EPB41L4A: variants seen among roughly 807,000 people sequenced by gnomAD.
EPB41L4A encodes band 4.1-like protein 4A.
In EPB41L4A, 100 loss-of-function variants were observed where a neutral mutation model predicts 108.6. That is an observed-to-expected ratio of 0.92 (90% CI 0.78 to 1.09). The LOEUF (loss-of-function observed/expected upper bound fraction) is 1.09. EPB41L4A is among the 50% of genes least tolerant of loss of function. The probability of loss-of-function intolerance (pLI) is 0.00; values close to 1 mark genes in which losing one functional copy is unlikely to be tolerated. For synonymous variants in EPB41L4A, 319 were observed against 289.0 expected, an observed-to-expected ratio of 1.10 and a Z score of -1.05; for missense variants, 1,030 against 842.7, an observed-to-expected ratio of 1.22 and a Z score of -2.75.
intron 4 of EPB41L4A, among the ~76,000 whole-genome samples, chr5:112,267,658 T>C (rs1255979062): frequency 6.6e-6 from 1 of 151,972 alleles, no homozygotes; most frequent in African/African-American, 2.4e-5. Context: ...GGTCACTCTC[T>C]CCTAAACTTC....
rs115172286 is a variant in EPB41L4A, at chr5:112,404,990, C to T, written c.99+13951G>A. ...TAAAATCCAAAAACTCATCTGAGGACTATGCAGTCTGTCTTCCAGATGGCT... is the reference window on the plus strand; with the variant it reads ...TAAAATCCAAAAACTCATCTGAGGATTATGCAGTCTGTCTTCCAGATGGCT... On this transcript the variant is annotated intron_variant, in intron 1 of 22. Coordinates refer to ENST00000261486, the MANE Select transcript of EPB41L4A (RefSeq NM_022140.5). Among the ~76,000 whole-genome samples, 448 of 152,298 alleles carry T rather than the reference C, an allele frequency of 2.9e-3. 2 individuals are homozygous for T. Among genetic ancestry groups the T allele is most frequent in the African/African-American group, 0.01 (417 of 41,558 alleles).
intron 4 of EPB41L4A, among the ~76,000 whole-genome samples, chr5:112,269,172 T>C (rs982677205): frequency 6.6e-6 from 1 of 152,016 alleles, no homozygotes; most frequent in African/African-American, 2.4e-5. Flanking sequence ...ATTTGCTGTC[T>C]CTGAGAAATT....
intron 1 of EPB41L4A, among the ~76,000 whole-genome samples, chr5:112,371,765 G>A (rs1186648783): frequency 1.3e-5 from 2 of 152,126 alleles, no homozygotes; most frequent in African/African-American, 4.8e-5. Flanking sequence ...AGGAAAGGAT[G>A]AAGAACACTC....
At position 112,307,450 on chromosome 5, in the gene EPB41L4A, T is replaced by C. The variant is rs771794033; in HGVS notation, c.140A>G (p.His47Arg). 43 of 1,613,232 alleles carry C rather than the reference T, an allele frequency of 2.7e-5. No homozygotes were observed. Among genetic ancestry groups the C allele is most frequent in the Non-Finnish European group, 3.4e-5 (40 of 1,179,420 alleles). ...KGSVVLDHVFHHVNLVEIDYF... is the reference protein window; with the variant it reads ...KGSVVLDHVFRHVNLVEIDYF... The stretch of plus-strand genomic sequence containing the variant: ...ATCTATCTCCACAAGGTTTACGTGA[T>C]GGAATACGTGGTCAAGGACAACGGA... The change falls in exon 2 of 23, where the codon CAT becomes CGT. Residue 47 changes from histidine to arginine, a missense_variant. By Grantham distance (29) the His-to-Arg change is conservative (BLOSUM62 0). Transcript: ENST00000261486.
chr5:112,142,448 T>G (rs930929013), exon 14 of EPB41L4A: 6 of 152,248 alleles, frequency 3.9e-5, no homozygotes, highest in African/African-American at 4.8e-5. Flanking sequence ...GATGAAAATA[T>G]GAACTTCATT....
intron 2 of EPB41L4A, among the ~76,000 whole-genome samples, chr5:112,305,733 T>G (rs1404623755): frequency 6.6e-6 from 1 of 152,170 alleles, no homozygotes; most frequent in Non-Finnish European, 1.5e-5. Context: ...TAGCTGAGTT[T>G]ACCATTAGAA....
chr5:112,191,958 T>TC (rs1242618631), intron 17 of EPB41L4A: 1 of 152,116 alleles, frequency 6.6e-6, no homozygotes, highest in East Asian at 1.9e-4. Flanking sequence ...GGGCAAGAGG[T>TC]AGAACATCAG....
chr5:112,207,743 A>G (rs1196848187), intron 13 of EPB41L4A, among the ~76,000 whole-genome samples: 1 of 152,222 alleles, frequency 6.6e-6, no homozygotes, highest in East Asian at 1.9e-4. Context: ...CCCAGTCAGA[A>G]TACCTATTAT....
intron 2 of EPB41L4A, among the ~76,000 whole-genome samples, chr5:112,292,170 G>T (rs1753685145): frequency 6.6e-6 from 1 of 152,104 alleles, no homozygotes; most frequent in Non-Finnish European, 1.5e-5. Flanking sequence ...ACTCACCATT[G>T]TGCCATACTT....
rs116791699 is a variant in EPB41L4A at position 112,278,567 on chromosome 5, T to C, written c.256+1705A>G. 6.8e-3 allele frequency among the ~76,000 whole-genome samples: 1,036 copies of C among 152,172 alleles called. 13 individuals carry two copies. The highest frequency in any genetic ancestry group is 0.023 in the African/African-American group (935 of 41,542). On this transcript the variant is annotated intron_variant, in intron 3 of 22. Coordinates refer to ENST00000261486, the MANE Select transcript of EPB41L4A (RefSeq NM_022140.5). ...ACGAGTCTTATGCAAATTTTTAATA[T>C]TGCATTTTTAGAATGAAAAAGTGAC... is the stretch of plus-strand genomic sequence containing the variant.
intron 1 of EPB41L4A, among the ~76,000 whole-genome samples, chr5:112,335,292 C>G (rs1328299886): frequency 6.6e-6 from 1 of 152,174 alleles, no homozygotes; most frequent in African/African-American, 2.4e-5. Flanking sequence ...TAAGGACCCT[C>G]CTTCTTGAAC....
chr5:112,241,065 A>G (rs1026773985), intron 9 of EPB41L4A, among the ~76,000 whole-genome samples: 2 of 152,190 alleles, frequency 1.3e-5, no homozygotes, highest in African/African-American at 4.8e-5. Flanking sequence ...ATGACAATAG[A>G]TAGTTTGGAC....
Position 112,259,990 on chromosome 5 carries a change from A to T in EPB41L4A, c.643-11T>A. On this transcript the variant is annotated splice_polypyrimidine_tract_variant and intron_variant, in intron 7 of 22. Transcript: ENST00000261486. Reference sequence around the variant, plus strand: ...AGACTTGTTTTCTCCCTGCAAAAACAAACATATGCCTATAACCACATATTC... The same window carrying T: ...AGACTTGTTTTCTCCCTGCAAAAACTAACATATGCCTATAACCACATATTC... 6.3e-7 allele frequency: 1 copy of T among 1,579,394 alleles called. No individual in the cohort carries two copies. The highest frequency in any genetic ancestry group is 2.2e-5 in the East Asian group (1 of 44,686).
intron 1 of EPB41L4A, among the ~76,000 whole-genome samples, chr5:112,391,879 G>A (rs10478086): frequency 3.0e-4 from 46 of 152,198 alleles, no homozygotes; most frequent in African/African-American, 8.7e-4. Context: ...CAGATCTCTC[G>A]GCAGAAACTC....
intron 1 of EPB41L4A, among the ~76,000 whole-genome samples, chr5:112,391,115 A>T (rs542912157): frequency 1.2e-4 from 18 of 152,354 alleles, no homozygotes; most frequent in Admixed American, 1.2e-3. Context: ...AAAGATGGGG[A>T]GAAACCAGAG....
intron 1 of EPB41L4A, among the ~76,000 whole-genome samples, chr5:112,367,437 C>G (rs1005018279): frequency 6.6e-6 from 1 of 152,194 alleles, no homozygotes; most frequent in Non-Finnish European, 1.5e-5. Context: ...TTATCACTCA[C>G]TGCTTACACA....
intron 4 of EPB41L4A, among the ~76,000 whole-genome samples, chr5:112,274,246 C>G (rs1752468320): frequency 6.6e-6 from 1 of 152,174 alleles, no homozygotes; most frequent in East Asian, 1.9e-4. Context: ...CACCACTACA[C>G]TCTAGCCTGT....
At chr5:112,415,788 C>A (rs1762678323) in intron 1 of EPB41L4A, among the ~76,000 whole-genome samples, 1 of 152,094 alleles carries the variant, frequency 6.6e-6, no homozygotes, top group South Asian at 2.1e-4. Flanking sequence ...TAGGGCTCAA[C>A]ACACAACCAA....
At chr5:112,152,112 T>C (rs1228715859) in intron 12 of EPB41L4A, among the ~76,000 whole-genome samples, 1 of 151,588 alleles carries the variant, frequency 6.6e-6, no homozygotes, top group African/African-American at 2.4e-5. Flanking sequence ...ACATATAACT[T>C]CCATACTATG....
Sources: gnomAD v4.1 joint callset for allele counts (sites outside exome capture counted in the v4.1 genomes callset) on GRCh38, gnomAD v4.1.1 for gene constraint, MANE v1.5 for transcripts, NCBI Gene and HGNC (gene_info 2026-07-23, HGNC 2026-07-21) for gene names.